The following LUZP2 variants were observed in gnomAD, a reference collection of about 807,000 sequenced individuals.
The protein encoded by LUZP2 is leucine zipper protein 2.
Under a neutral mutation model 51.6 loss-of-function variants are expected in LUZP2, and 52 were observed. That is an observed-to-expected ratio of 1.01 (90% CI 0.81 to 1.27). The LOEUF (loss-of-function observed/expected upper bound fraction) is 1.27. Among genes scored for constraint, LUZP2 ranks in the 50% most tolerant of loss-of-function variants. The pLI is 0.00. For missense variants in LUZP2, 436 were observed against 395.4 expected (o/e 1.10, Z -0.87); for synonymous variants, 154 against 137.3 (o/e 1.12, Z -0.85).
chr11:24,725,952 G>A (rs1858460251), intron 1 of LUZP2, among the ~76,000 whole-genome samples: 1 of 152,126 alleles, frequency 6.6e-6, no homozygotes, highest in Non-Finnish European at 1.5e-5. Context: ...GCAAGCTGAT[G>A]AGAGAGGCCT....
chr11:24,643,163 C>T (rs145432230), intron 1 of LUZP2, among the ~76,000 whole-genome samples: 3 of 147,152 alleles, frequency 2.0e-5, no homozygotes, highest in South Asian at 2.1e-4. Context: ...AATCCCAGCA[C>T]TTTAGGAGGC....
At chr11:24,830,109 G>GA (rs11338790) in intron 5 of LUZP2, among the ~76,000 whole-genome samples, 114,258 of 150,914 alleles carry the variant, frequency 0.76, 45,121 homozygotes, top group East Asian at 0.93. Context: ...TTTTGTCAGA[G>GA]AAAAAAAAAC....
intron 1 of LUZP2, among the ~76,000 whole-genome samples, chr11:24,681,562 A>G (rs983465741): frequency 1.3e-5 from 2 of 152,148 alleles, no homozygotes; most frequent in Non-Finnish European, 2.9e-5. Flanking sequence ...AGTATCACAT[A>G]TTGGTAAATT....
At chr11:25,059,317 C>T (rs1189836054) in intron 10 of LUZP2, among the ~76,000 whole-genome samples, 1 of 152,062 alleles carries the variant, frequency 6.6e-6, no homozygotes, top group Non-Finnish European at 1.5e-5. Context: ...AAAGTTATTC[C>T]ATCTGCTTTA....
In LUZP2 at chr11:24,663,638, T is replaced by A. The variant is rs76326940; in HGVS notation, c.63-65531T>A. Among the ~76,000 whole-genome samples the A allele has an allele frequency of 7.1e-4, 108 of 152,314 alleles. 3 individuals carry two copies. The South Asian group carries it at 0.015, about 21-fold the overall frequency. Reference sequence around the variant, plus strand: ...TCTAATTCTCATTTCTCTGAGTAGCTATGTAGTGAATATGATTTAGCCGTG... The same window carrying A: ...TCTAATTCTCATTTCTCTGAGTAGCAATGTAGTGAATATGATTTAGCCGTG... On this transcript the variant is annotated intron_variant, in intron 1 of 11. Transcript: ENST00000336930.
intron 11 of LUZP2, among the ~76,000 whole-genome samples, chr11:25,078,064 A>G (rs1859366828): frequency 6.6e-6 from 1 of 152,206 alleles, no homozygotes; most frequent in African/African-American, 2.4e-5. Context: ...TTTTGTACAA[A>G]GGAGACTAAA....
chr11:24,785,923 A>G (rs1279944702), intron 5 of LUZP2: 17 of 985,178 alleles, frequency 1.7e-5, no homozygotes, highest in Non-Finnish European at 1.9e-5. Context: ...AGCAGGAACT[A>G]TAGATCTGAC....
chr11:24,825,652 A>C (rs1483618206), intron 5 of LUZP2, among the ~76,000 whole-genome samples: 3 of 152,210 alleles, frequency 2.0e-5, no homozygotes, highest in African/African-American at 2.4e-5. Flanking sequence ...AAAAACTATA[A>C]ATTTGTCTTG....
intron 1 of LUZP2, among the ~76,000 whole-genome samples, chr11:24,698,920 T>C (rs1857333539): frequency 1.3e-5 from 2 of 152,026 alleles, no homozygotes; most frequent in African/African-American, 2.4e-5. Flanking sequence ...TAGCTGATTG[T>C]GGTGGTGCAC....
intron 9 of LUZP2, among the ~76,000 whole-genome samples, chr11:25,023,714 A>T (rs979151125): frequency 6.6e-6 from 1 of 151,828 alleles, no homozygotes; most frequent in African/African-American, 2.4e-5. Flanking sequence ...TAGTTATTTT[A>T]ATTGTGATGT....
chr11:24,897,524 A>T (rs752613373), intron 5 of LUZP2, among the ~76,000 whole-genome samples: 1 of 152,076 alleles, frequency 6.6e-6, no homozygotes, highest in Non-Finnish European at 1.5e-5. Flanking sequence ...GCGCTGCATT[A>T]AGAGCTGTAA....
At chr11:24,574,482 C>T (rs964038401) in intron 1 of LUZP2, among the ~76,000 whole-genome samples, 3 of 151,430 alleles carry the variant, frequency 2.0e-5, no homozygotes, top group Non-Finnish European at 2.9e-5. Flanking sequence ...ACTAAACAAA[C>T]ACTTTGCTAT....
At chr11:25,045,105 C>T (rs1274383777) in intron 9 of LUZP2, among the ~76,000 whole-genome samples, 6 of 148,118 alleles carry the variant, frequency 4.1e-5, no homozygotes, top group Non-Finnish European at 8.9e-5. Flanking sequence ...ATACCTAATG[C>T]TAAATGACGA....
Position 24,917,640 on chromosome 11 carries a change from G to A in LUZP2, c.522+3102G>A, listed in dbSNP as rs370516244. On this transcript the variant is annotated intron_variant, in intron 7 of 11. Coordinates refer to ENST00000336930, the MANE Select transcript of LUZP2 (RefSeq NM_001009909.4). ...TGTCAGGTTTGTCAAAGATCAGATGGTTGTAGATGTGTGGTATTATTTCTG... is the reference window on the plus strand; with the variant it reads ...TGTCAGGTTTGTCAAAGATCAGATGATTGTAGATGTGTGGTATTATTTCTG... 4.3e-4 allele frequency among the ~76,000 whole-genome samples: 66 copies of A among 152,150 alleles called. 1 individual carries two copies. In the East Asian group the frequency reaches 0.012, roughly 28 times the overall value.
chr11:24,838,105 A>T lies in LUZP2; in HGVS notation c.397-67886A>T, dbSNP rs569666708. Among the ~76,000 whole-genome samples, 8 of 15,154 alleles carry T rather than the reference A, an allele frequency of 5.3e-4. No homozygotes were observed. The Non-Finnish European group carries it at 0.013, about 24-fold the overall frequency. 9.9% of individuals were successfully genotyped at this position (15,154 alleles called of 152,430 possible). On this transcript the variant is annotated intron_variant, in intron 5 of 11. Transcript: ENST00000336930. The stretch of plus-strand genomic sequence containing the variant: ...GTGGTCCAACTAAGGCTTAGAAGAA[A>T]GTTAAATAATTTTCCCAATATCACA...
chr11:25,051,808 C>T (rs1858525516), intron 10 of LUZP2, among the ~76,000 whole-genome samples: 1 of 152,170 alleles, frequency 6.6e-6, no homozygotes, highest in African/African-American at 2.4e-5. Flanking sequence ...AACATGTTCT[C>T]ATTGGAGGCA....
chr11:24,570,187 A>G (rs1304933940), intron 1 of LUZP2, among the ~76,000 whole-genome samples: 3 of 152,086 alleles, frequency 2.0e-5, no homozygotes, highest in Admixed American at 6.6e-5. Context: ...ATTGAATCAT[A>G]GACGAGAAGA....
At chr11:24,848,963 C>T (rs1186348950) in intron 5 of LUZP2, among the ~76,000 whole-genome samples, 1 of 152,006 alleles carries the variant, frequency 6.6e-6, no homozygotes, top group Non-Finnish European at 1.5e-5. Flanking sequence ...ATATGACAAA[C>T]CCACAGCAAA....
chr11:24,813,744 C>T lies in LUZP2; in HGVS notation c.396+50436C>T, dbSNP rs12273812. On this transcript the variant is annotated intron_variant, in intron 5 of 11. Transcript: ENST00000336930. Reference sequence around the variant, plus strand: ...ACTATATCAGAGCCTTTGCTCCAGACATGCTAAATTACTCAGTGTGGTGAT... The same window carrying T: ...ACTATATCAGAGCCTTTGCTCCAGATATGCTAAATTACTCAGTGTGGTGAT... 9.3e-3 allele frequency among the ~76,000 whole-genome samples: 1,412 copies of T among 152,346 alleles called. 24 individuals are homozygous for T. The highest frequency in any genetic ancestry group is 0.031 in the African/African-American group (1,278 of 41,568).
Sources: allele counts gnomAD v4.1 joint callset (sites outside exome capture counted in the v4.1 genomes callset), GRCh38; gene constraint gnomAD v4.1.1; transcripts MANE v1.5; gene names NCBI Gene and HGNC (gene_info 2026-07-23, HGNC 2026-07-21).